CDH9: variants seen among roughly 807,000 people sequenced by gnomAD.
CDH9 encodes the protein cadherin-9.
A neutral mutation model predicts 70.9 loss-of-function variants in CDH9; 28 were observed. The observed-to-expected ratio is 0.40, with a 90% CI of 0.29 to 0.54. The LOEUF (loss-of-function observed/expected upper bound fraction) is 0.54. Among genes scored for constraint, CDH9 ranks in the 20% least tolerant of loss-of-function variants. The pLI is 0.59. For missense variants in CDH9, 874 were observed against 984.4 expected, an observed-to-expected ratio of 0.89 and a Z score of 1.50; for synonymous variants, 409 against 343.1, an observed-to-expected ratio of 1.19 and a Z score of -2.12.
intron 1 of CDH9, among the ~76,000 whole-genome samples, chr5:26,998,931 GAT>G: frequency 6.6e-6 from 1 of 151,928 alleles, no homozygotes; most frequent in Non-Finnish European, 1.5e-5. Context: ...AACAAAATAA[GAT>G]ATGCATCTAT....
In CDH9 at chr5:26,881,406, T is replaced by C. The variant is rs1433106229; in HGVS notation, c.2100A>G (p.Ile700Met). 6.2e-7 allele frequency: 1 copy of C among 1,613,564 alleles called. No individual in the cohort carries two copies. Among genetic ancestry groups the C allele is most frequent in the Non-Finnish European group, 8.5e-7 (1 of 1,179,700 alleles). Residue 700 changes from isoleucine (I) to methionine (M), a missense_variant, in exon 12 of 12, where the codon ATA becomes ATG. By Grantham distance (10) the Ile-to-Met change is conservative. Coordinates refer to ENST00000231021, the MANE Select transcript of CDH9 (RefSeq NM_016279.4). ...TTTCCCACAGAGGCACAGTCCTCCTTATCTGAAAAATAGTTTCAGGCATTA... is the reference window on the plus strand; with the variant it reads ...TTTCCCACAGAGGCACAGTCCTCCTCATCTGAAAAATAGTTTCAGGCATTA... ...RDVMPETIFQ[I>M]RRTVPLWENI...
At chr5:26,964,231 G>T (rs778210006) in intron 2 of CDH9, among the ~76,000 whole-genome samples, 1 of 151,444 alleles carries the variant, frequency 6.6e-6, no homozygotes, top group African/African-American at 2.4e-5. Flanking sequence ...ACAAGCACAC[G>T]CATTCATGGT....
intron 2 of CDH9, among the ~76,000 whole-genome samples, chr5:26,987,810 A>C (rs527874003): frequency 6.6e-6 from 1 of 152,166 alleles, no homozygotes; most frequent in African/African-American, 2.4e-5. Flanking sequence ...ATCGATCTCA[A>C]GGAGAGTTTT....
chr5:26,920,222 G>A (rs1366796456), intron 2 of CDH9, among the ~76,000 whole-genome samples: 4 of 151,888 alleles, frequency 2.6e-5, no homozygotes, highest in African/African-American at 9.7e-5. Flanking sequence ...ATTGGCGGTA[G>A]CTAGGCAGTA....
At chr5:27,023,322 C>T (rs1743170834) in intron 1 of CDH9, among the ~76,000 whole-genome samples, 1 of 151,996 alleles carries the variant, frequency 6.6e-6, no homozygotes, top group Admixed American at 6.6e-5. Flanking sequence ...GTTGATTCAT[C>T]ATATTTTTGT....
chr5:26,906,183 G>A, intron 4 of CDH9, 57 bp from the exon 5 acceptor site: 2 of 1,456,008 alleles, frequency 1.4e-6, no homozygotes, highest in Non-Finnish European at 1.9e-6. Context: ...TTAAAATTAA[G>A]CTAGACAAGA....
At chr5:26,949,106 G>T (rs1741801693) in intron 2 of CDH9, among the ~76,000 whole-genome samples, 1 of 152,158 alleles carries the variant, frequency 6.6e-6, no homozygotes, top group African/African-American at 2.4e-5. Context: ...TTAGGGTTAG[G>T]ATTAGCAATT....
intron 7 of CDH9, among the ~76,000 whole-genome samples, chr5:26,896,707 G>A (rs1740758010): frequency 6.6e-6 from 1 of 151,948 alleles, no homozygotes; most frequent in Non-Finnish European, 1.5e-5. Context: ...ATGCCCACAG[G>A]AGAAAGTGGG....
chr5:26,994,776 G>A (rs1205155661), intron 1 of CDH9, among the ~76,000 whole-genome samples: 1 of 152,104 alleles, frequency 6.6e-6, no homozygotes, highest in Non-Finnish European at 1.5e-5. Flanking sequence ...AGAACAAAGT[G>A]ATATTGCTCC....
chr5:26,956,352 T>C (rs1251360486), intron 2 of CDH9, among the ~76,000 whole-genome samples: 1 of 152,174 alleles, frequency 6.6e-6, no homozygotes, highest in African/African-American at 2.4e-5. Context: ...TTTTTTTTCT[T>C]TTTGTAAATT....
At chr5:26,937,056 A>G (rs1390201152) in intron 2 of CDH9, among the ~76,000 whole-genome samples, 3 of 152,192 alleles carry the variant, frequency 2.0e-5, no homozygotes, top group Non-Finnish European at 4.4e-5. Context: ...AGTTAAAACC[A>G]TCTACCTAGT....
At chr5:26,969,108 A>G (rs1334969706) in intron 2 of CDH9, among the ~76,000 whole-genome samples, 1 of 152,106 alleles carries the variant, frequency 6.6e-6, no homozygotes, top group African/African-American at 2.4e-5. Flanking sequence ...CAGTGAAGAA[A>G]TTTTTCATTC....
intron 1 of CDH9, among the ~76,000 whole-genome samples, chr5:27,030,186 G>A (rs146099259): frequency 9.2e-4 from 140 of 151,898 alleles, no homozygotes; most frequent in Middle Eastern, 3.4e-3. Flanking sequence ...TCTCTTCTTC[G>A]TGAATTGTGA....
intron 1 of CDH9, among the ~76,000 whole-genome samples, chr5:26,996,021 C>T (rs767347941): frequency 1.1e-4 from 16 of 152,012 alleles, no homozygotes; most frequent in Non-Finnish European, 1.6e-4. Context: ...AGGTGAATTA[C>T]TGTAATTAAA....
rs913853277 is a variant in CDH9 at position 26,906,761 on chromosome 5, T to C, written c.601A>G (p.Ile201Val). The change falls in exon 4 of 12, where the codon ATA (isoleucine) becomes GTA (valine). Residue 201 changes from isoleucine to valine, a missense_variant. Physicochemically the swap from Ile to Val is conservative, Grantham distance 29. Coordinates refer to ENST00000231021, the MANE Select transcript of CDH9 (RefSeq NM_016279.4). ...GAAAAATATGGCTGTCCTTGCAATATGCTATAGACCACTTTGGCACTATTT... is the reference window on the plus strand; with the variant it reads ...GAAAAATATGGCTGTCCTTGCAATACGCTATAGACCACTTTGGCACTATTT... ...YGNSAKVVYS[I>V]LQGQPYFSVD... The C allele has an allele frequency of 2.5e-6, 4 of 1,613,370 alleles. No homozygotes were observed. The highest frequency in any genetic ancestry group is 1.3e-5 in the African/African-American group (1 of 75,050).
chr5:26,931,483 A>T (rs748724749), intron 2 of CDH9, among the ~76,000 whole-genome samples: 5 of 152,216 alleles, frequency 3.3e-5, no homozygotes, highest in Non-Finnish European at 7.3e-5. Context: ...AGAATGGTCT[A>T]GTCTCAAATA....
At chr5:26,895,314 T>A (rs965066298) in intron 7 of CDH9, among the ~76,000 whole-genome samples, 1 of 152,052 alleles carries the variant, frequency 6.6e-6, no homozygotes, top group Admixed American at 6.6e-5. Context: ...TTCAAATCTT[T>A]TTTGCAGAGA....
intron 2 of CDH9, among the ~76,000 whole-genome samples, chr5:26,948,663 C>T (rs961894428): frequency 6.6e-6 from 1 of 152,156 alleles, no homozygotes; most frequent in African/African-American, 2.4e-5. Flanking sequence ...GATACAGGTT[C>T]CTGTTATTAA....
At chr5:27,005,270 T>C (rs139157306) in intron 1 of CDH9, among the ~76,000 whole-genome samples, 61 of 152,152 alleles carry the variant, frequency 4.0e-4, no homozygotes, top group African/African-American at 1.4e-3. Context: ...AAATTAGTCA[T>C]ATGCAACCTA....
Sources: gnomAD v4.1 joint callset for allele counts (sites outside exome capture counted in the v4.1 genomes callset) on GRCh38, gnomAD v4.1.1 for gene constraint, MANE v1.5 for transcripts, NCBI Gene and HGNC (gene_info 2026-07-23, HGNC 2026-07-21) for gene names.